Variants in UPRT observed in about 807,000 individuals in gnomAD.
UPRT encodes RP11-311P8.3.
UPRT carries 5 observed loss-of-function variants against 22.6 expected under a neutral mutation model. The observed-to-expected ratio is 0.22, with a 90% CI of 0.12 to 0.47. The LOEUF (loss-of-function observed/expected upper bound fraction) is 0.47, where lower values mean the gene tolerates loss of function less well. Among genes scored for constraint, UPRT ranks in the 20% least tolerant of loss-of-function variants. The probability of loss-of-function intolerance (pLI) is 0.99; values close to 1 mark genes in which losing one functional copy is unlikely to be tolerated. For synonymous variants in UPRT, 77 were observed against 87.7 expected (o/e 0.88, Z 0.68); for missense variants, 181 against 239.9 (o/e 0.75, Z 1.62).
At position 75,303,568 on chromosome X, in the gene UPRT, A is replaced by G. The variant is rs1233796716; in HGVS notation, c.*57A>G. On this transcript the variant is annotated 3_prime_UTR_variant, in exon 7 of 7. Transcript: ENST00000373383. ...TATTACAATCATGTTTTGATTTTCT[A>G]TTTGTTTTACTGATTCACTTGAGGG... is the stretch of plus-strand genomic sequence containing the variant. The G allele has an allele frequency of 1.8e-5, 18 of 989,696 alleles. No individual in the cohort carries two copies. The highest frequency in any genetic ancestry group is 9.7e-5 in the East Asian group (3 of 30,775). The allele number at this position is 989,696 out of a possible 1,213,427, so 81.6% of individuals were successfully genotyped here.
chrX:75,230,055 A>C (rs765309820), intron 4 of UPRT, among the ~76,000 whole-genome samples: 1 of 111,736 alleles, frequency 8.9e-6, no homozygotes, highest in South Asian at 3.8e-4. Context: ...CCTGGATATA[A>C]ACTCTGCTAT....
exon 4 of UPRT, among the ~76,000 whole-genome samples, chrX:75,167,858 C>G (rs1229208148): frequency 1.8e-5 from 2 of 110,684 alleles, no homozygotes; most frequent in African/African-American, 6.6e-5. Flanking sequence ...TTCCCTTAGC[C>G]AGCCCAAACA....
chrX:75,195,321 C>T (rs1569263770), intron 4 of UPRT, among the ~76,000 whole-genome samples: 1 of 112,476 alleles, frequency 8.9e-6, no homozygotes, highest in Non-Finnish European at 1.9e-5. Flanking sequence ...GGCTGGGGCC[C>T]CAGGAGAGGC....
At chrX:75,229,870 C>T (rs1396950092) in intron 4 of UPRT, among the ~76,000 whole-genome samples, 1 of 111,891 alleles carries the variant, frequency 8.9e-6, no homozygotes, top group Non-Finnish European at 1.9e-5. Flanking sequence ...TGAGCACAAA[C>T]TTTCCTGAGA....
chrX:75,266,059 T>G (rs2082587397), intron 4 of UPRT, among the ~76,000 whole-genome samples: 1 of 111,397 alleles, frequency 9.0e-6, no homozygotes, highest in African/African-American at 3.3e-5. Flanking sequence ...AAGCTACCAA[T>G]GACTTTCTTC....
chrX:75,275,964 G>A (rs1025494101), intron 1 of UPRT, among the ~76,000 whole-genome samples: 4 of 111,270 alleles, frequency 3.6e-5, no homozygotes, highest in African/African-American at 6.5e-5. Context: ...CTCGTGCCTC[G>A]GCCTCCTAAA....
At chrX:75,187,298 A>T (rs2082296441) in intron 4 of UPRT, among the ~76,000 whole-genome samples, 1 of 111,080 alleles carries the variant, frequency 9.0e-6, no homozygotes, top group South Asian at 3.8e-4. Flanking sequence ...GTTTGGCTGG[A>T]TATGAAATTC....
intron 4 of UPRT, among the ~76,000 whole-genome samples, chrX:75,252,519 G>A (rs763554508): frequency 1.4e-4 from 16 of 112,054 alleles, no homozygotes; most frequent in East Asian, 1.1e-3. Flanking sequence ...TTAGAATGGC[G>A]ATCATTAAAA....
chrX:75,189,976 C>T (rs753146059), intron 4 of UPRT, among the ~76,000 whole-genome samples: 6 of 111,984 alleles, frequency 5.4e-5, no homozygotes, highest in Non-Finnish European at 5.6e-5. Context: ...AGCCCATTTA[C>T]ATTTAAGGTT....
chrX:75,290,495 T>C (rs1306929276), intron 1 of UPRT, among the ~76,000 whole-genome samples: 1 of 111,870 alleles, frequency 8.9e-6, no homozygotes, highest in Non-Finnish European at 1.9e-5. Context: ...CACACGCACT[T>C]GTATGTTCAT....
chrX:75,175,380 CT>C (rs1397157793), intron 4 of UPRT, among the ~76,000 whole-genome samples: 4 of 112,289 alleles, frequency 3.6e-5, no homozygotes, highest in Non-Finnish European at 7.5e-5. Flanking sequence ...CCAATTACAA[CT>C]GATGAGGTGG....
chrX:75,287,811 A>G (rs762070131), intron 1 of UPRT, among the ~76,000 whole-genome samples: 1 of 111,629 alleles, frequency 9.0e-6, no homozygotes, highest in Non-Finnish European at 1.9e-5. Context: ...AGAAGAAAAT[A>G]CATAATTAAA....
At chrX:75,175,323 G>A (rs761702906) in intron 4 of UPRT, among the ~76,000 whole-genome samples, 1 of 111,711 alleles carries the variant, frequency 9.0e-6, no homozygotes, top group East Asian at 2.8e-4. Flanking sequence ...TAATAGTGTG[G>A]GACTTTCAGG....
In UPRT at chrX:75,188,622, C is replaced by T. The variant is rs774956150; in HGVS notation, c.-447+20743C>T. Among the ~76,000 whole-genome samples the T allele has an allele frequency of 3.6e-5, 4 of 112,656 alleles. No individual in the cohort carries two copies. The East Asian group carries it at 8.5e-4, about 24-fold the overall frequency. On this transcript the variant is annotated intron_variant, in intron 4 of 13. Coordinates refer to the UPRT transcript ENST00000652605. ...CAATGGCGGGCGCCCCTCCCCGAGC[C>T]TCGCTGCCACCTTGAAGTTTGATCT...
intron 1 of UPRT, among the ~76,000 whole-genome samples, chrX:75,159,770 A>T (rs969990864): frequency 2.2e-5 from 1 of 46,323 alleles, no homozygotes; most frequent in African/African-American, 5.9e-5. Context: ...CTTGCCTTAA[A>T]TTTTTTTTTT....
intron 4 of UPRT, 34 bp from the exon 5 acceptor site, chrX:75,299,701 C>T (rs918256628): frequency 1.1e-5 from 13 of 1,181,360 alleles, no homozygotes; most frequent in Non-Finnish European, 1.4e-5. Flanking sequence ...CTCTCTTTCC[C>T]CTAATCTTTT....
chrX:75,233,203 G>A (rs1207534897), intron 4 of UPRT, among the ~76,000 whole-genome samples: 6 of 110,760 alleles, frequency 5.4e-5, no homozygotes, highest in African/African-American at 2.0e-4. Context: ...AAGATGAAAT[G>A]AATGAAATGA....
intron 4 of UPRT, among the ~76,000 whole-genome samples, chrX:75,246,517 C>G (rs1252776360): frequency 1.8e-5 from 2 of 110,386 alleles, no homozygotes; most frequent in African/African-American, 3.3e-5. Flanking sequence ...ATGGACATTT[C>G]GGTTGGTTCC....
At chrX:75,244,333 C>A (rs1040999614) in intron 4 of UPRT, among the ~76,000 whole-genome samples, 2 of 112,018 alleles carry the variant, frequency 1.8e-5, no homozygotes, top group African/African-American at 6.5e-5. Context: ...GGCTTTTTGG[C>A]ATACTGCCCA....
Sources: gnomAD v4.1 joint callset for allele counts (sites outside exome capture counted in the v4.1 genomes callset) on GRCh38, gnomAD v4.1.1 for gene constraint, MANE v1.5 for transcripts, NCBI Gene and HGNC (gene_info 2026-07-23, HGNC 2026-07-21) for gene names.